PARD3B: variants seen among roughly 807,000 people sequenced by gnomAD.
PARD3B encodes the protein partitioning defective 3 homolog B.
PARD3B carries 103 observed loss-of-function variants against 130.2 expected under a neutral mutation model. The ratio of observed to expected loss-of-function variants is 0.79; its 90% CI spans 0.67 to 0.93. PARD3B has a LOEUF of 0.93. Ranked by LOEUF, PARD3B falls within the 40% of genes least tolerant of loss-of-function variation. PARD3B has a pLI of 0.00. For synonymous variants in PARD3B, 583 were observed against 553.2 expected (o/e 1.05, Z -0.76); for missense variants, 1,609 against 1,499.2 (o/e 1.07, Z -1.21).
intron 1 of PARD3B, among the ~76,000 whole-genome samples, chr2:204,668,242 G>A (rs2036115790): frequency 6.6e-6 from 1 of 152,152 alleles, no homozygotes; most frequent in African/African-American, 2.4e-5. Flanking sequence ...ACACTTGAAT[G>A]GCCTTACCCA....
intron 2 of PARD3B, among the ~76,000 whole-genome samples, chr2:204,815,624 T>G (rs1379083388): frequency 1.3e-5 from 2 of 151,998 alleles, no homozygotes; most frequent in Non-Finnish European, 2.9e-5. Flanking sequence ...TTGAGACCTT[T>G]CCTCTTATCT....
intron 10 of PARD3B, among the ~76,000 whole-genome samples, chr2:205,139,032 T>C (rs555356140): frequency 1.3e-5 from 2 of 152,158 alleles, no homozygotes; most frequent in Non-Finnish European, 2.9e-5. Flanking sequence ...GAATTGGAGG[T>C]TTCAGTGTAT....
At chr2:205,120,315 A>G (rs1380431243) in intron 7 of PARD3B, among the ~76,000 whole-genome samples, 2 of 152,200 alleles carry the variant, frequency 1.3e-5, no homozygotes, top group Non-Finnish European at 2.9e-5. Flanking sequence ...AGTATGGAGT[A>G]GAAACTGATT....
At chr2:204,764,692 G>C (rs1010314242) in intron 2 of PARD3B, among the ~76,000 whole-genome samples, 20 of 145,400 alleles carry the variant, frequency 1.4e-4, no homozygotes, top group African/African-American at 5.1e-4. Context: ...TACCTGACCA[G>C]CAGGCTGAAT....
In PARD3B at chr2:204,545,763, C is replaced by T. The variant is rs2029880640; in HGVS notation, c.-237C>T. 1 of 403,686 alleles carries T rather than the reference C, an allele frequency of 2.5e-6. No individual in the cohort carries two copies. Among genetic ancestry groups the T allele is most frequent in the Non-Finnish European group, 4.4e-6 (1 of 229,488 alleles). The allele number at this position is 403,686 out of a possible 1,614,324, so 25.0% of individuals were successfully genotyped here. ...GCCGCGGAGCTGCCGCGTCCCGGGCCGCCGGGCACCTGGGAGGTAACCCCT... is the reference window on the plus strand; with the variant it reads ...GCCGCGGAGCTGCCGCGTCCCGGGCTGCCGGGCACCTGGGAGGTAACCCCT... On this transcript the variant is annotated 5_prime_UTR_variant, in exon 1 of 23. Coordinates refer to ENST00000406610, the MANE Select transcript of PARD3B (RefSeq NM_001302769.2).
chr2:205,435,639 A>T (rs1435034628), intron 19 of PARD3B, among the ~76,000 whole-genome samples: 1 of 151,844 alleles, frequency 6.6e-6, no homozygotes, highest in Non-Finnish European at 1.5e-5. Context: ...CTGTTTCTTG[A>T]TGTATCAATT....
At chr2:205,417,160 A>G (rs574315174) in intron 19 of PARD3B, among the ~76,000 whole-genome samples, 2 of 141,602 alleles carry the variant, frequency 1.4e-5, no homozygotes, top group African/African-American at 5.3e-5. Context: ...ATTCCCACCT[A>G]TAAGTGAGAA....
Position 205,272,157 on chromosome 2 carries a change from C to CAA in PARD3B, c.2185+26349_2185+26350dup, listed in dbSNP as rs764741961. On this transcript the variant is annotated intron_variant, in intron 16 of 22. Coordinates refer to ENST00000406610, the MANE Select transcript of PARD3B (RefSeq NM_001302769.2). ...TGGGCAACAGAGTGAGACTCTGTCT[C>CAA]AAAAAAAAAAAAAAAGAAGATGCTT... Among the ~76,000 whole-genome samples, 14 of 96,558 alleles carry CAA rather than the reference C, an allele frequency of 1.4e-4. No homozygotes were observed. In the East Asian group the frequency reaches 3.1e-3, roughly 21 times the overall value. The allele number at this position is 96,558 out of a possible 152,430, so 63.3% of individuals were successfully genotyped here.
At chr2:205,046,881 A>G (rs1470214755) in intron 3 of PARD3B, among the ~76,000 whole-genome samples, 1 of 152,210 alleles carries the variant, frequency 6.6e-6, no homozygotes, top group Non-Finnish European at 1.5e-5. Context: ...TGGCTCTGCT[A>G]AGGTTGAATT....
rs1307992671 is a variant in PARD3B at position 205,112,747 on chromosome 2, A to G, written c.594-744A>G. 4.6e-5 allele frequency among the ~76,000 whole-genome samples: 7 copies of G among 152,160 alleles called. No individual in the cohort carries two copies. The East Asian group carries it at 1.2e-3, about 25-fold the overall frequency. On this transcript the variant is annotated intron_variant, in intron 5 of 22. Coordinates refer to ENST00000406610, the MANE Select transcript of PARD3B (RefSeq NM_001302769.2). The stretch of plus-strand genomic sequence containing the variant: ...AGTGCCTTCTATATTTCAGTCATAC[A>G]CACAATCCATTAATGTTTCTAGCTG...
intron 3 of PARD3B, among the ~76,000 whole-genome samples, chr2:204,991,328 T>G (rs1199449658): frequency 6.8e-6 from 1 of 146,806 alleles, no homozygotes; most frequent in Non-Finnish European, 1.5e-5. Flanking sequence ...TATGCGGTGT[T>G]TGGTTTTTTG....
chr2:204,761,948 A>G (rs369778133), intron 2 of PARD3B, among the ~76,000 whole-genome samples: 10 of 152,168 alleles, frequency 6.6e-5, no homozygotes, highest in African/African-American at 2.2e-4. Context: ...AATTTCAAAA[A>G]TCAGCTTTTG....
intron 3 of PARD3B, among the ~76,000 whole-genome samples, chr2:205,031,444 A>G (rs1697416646): frequency 6.6e-6 from 1 of 152,150 alleles, no homozygotes; most frequent in African/African-American, 2.4e-5. Flanking sequence ...AGATGAGATT[A>G]TGATCTTTCA....
chr2:204,965,571 G>A (rs1691162127), intron 3 of PARD3B, among the ~76,000 whole-genome samples: 3 of 152,146 alleles, frequency 2.0e-5, no homozygotes, highest in African/African-American at 7.2e-5. Context: ...GGAGTCAGAT[G>A]CTAAATGATG....
intron 4 of PARD3B, among the ~76,000 whole-genome samples, chr2:205,102,531 C>T (rs1018775411): frequency 1.3e-5 from 2 of 152,018 alleles, no homozygotes; most frequent in African/African-American, 2.4e-5. Flanking sequence ...CAAAAACAAT[C>T]GTCTTTTAAA....
chr2:204,799,844 T>G lies in PARD3B; in HGVS notation c.222+113562T>G, dbSNP rs554921294. On this transcript the variant is annotated intron_variant, in intron 2 of 22. Coordinates refer to ENST00000406610, the MANE Select transcript of PARD3B (RefSeq NM_001302769.2). This position sits in a 1 kb window ranked among gnomAD's most constrained non-coding sequence, Gnocchi z 4.1. ...TCCCCAAATGCAGATATGGCTGCAG[T>G]GACTAAAGATTTATATCACAGCATC... Among the ~76,000 whole-genome samples the G allele has an allele frequency of 6.6e-6, 1 of 152,228 alleles. No individual in the cohort carries two copies. Among genetic ancestry groups the G allele is most frequent in the African/African-American group, 2.4e-5 (1 of 41,532 alleles).
intron 15 of PARD3B, among the ~76,000 whole-genome samples, chr2:205,195,957 T>TA (rs1180845549): frequency 6.6e-6 from 1 of 152,224 alleles, no homozygotes; most frequent in African/African-American, 2.4e-5. Context: ...TCATATTTGC[T>TA]ACTAAGACCA....
chr2:204,762,574 G>A (rs1156794266), intron 2 of PARD3B, among the ~76,000 whole-genome samples: 3 of 151,308 alleles, frequency 2.0e-5, no homozygotes, highest in Non-Finnish European at 4.4e-5. Flanking sequence ...GGTGTACATT[G>A]ATTTTTTAAA....
At chr2:204,749,236 A>G (rs1042694502) in intron 2 of PARD3B, among the ~76,000 whole-genome samples, 1 of 152,158 alleles carries the variant, frequency 6.6e-6, no homozygotes, top group African/African-American at 2.4e-5. Flanking sequence ...CTTTAAAGCC[A>G]TGGTTTCTAA....
Sources: gnomAD v4.1 joint callset for allele counts (sites outside exome capture counted in the v4.1 genomes callset) on GRCh38, gnomAD v4.1.1 for gene constraint, Gnocchi (gnomAD v3.1) non-coding constraint, MANE v1.5 for transcripts, NCBI Gene and HGNC (gene_info 2026-07-23, HGNC 2026-07-21) for gene names.